The following HDAC4 variants were observed in gnomAD, a reference collection of about 807,000 sequenced individuals.
The protein encoded by HDAC4 is histone deacetylase 4.
HDAC4 carries 16 observed loss-of-function variants against 135.1 expected under a neutral mutation model. That is an observed-to-expected ratio of 0.12 (90% confidence interval 0.08 to 0.18). The LOEUF (loss-of-function observed/expected upper bound fraction) is 0.18. Among genes scored for constraint, HDAC4 ranks in the 10% least tolerant of loss-of-function variants. The pLI is 1.00. For synonymous variants in HDAC4, 685 were observed against 653.4 expected (o/e 1.05, Z -0.74); for missense variants, 1,143 against 1,511.8 (o/e 0.76, Z 4.05).
intron 2 of HDAC4, among the ~76,000 whole-genome samples, chr2:239,268,096 A>G (rs2049850540): frequency 6.6e-6 from 1 of 152,280 alleles, no homozygotes; most frequent in African/African-American, 2.4e-5. Context: ...AGGGGTTTAA[A>G]TTCACTTGGT....
chr2:239,328,385 C>A (rs185294339), intron 2 of HDAC4, among the ~76,000 whole-genome samples: 1 of 152,350 alleles, frequency 6.6e-6, no homozygotes, highest in Non-Finnish European at 1.5e-5. Context: ...ATGAGGTTTG[C>A]TGTGAGCAAC....
chr2:239,334,300 G>A (rs1159799845), intron 2 of HDAC4, among the ~76,000 whole-genome samples: 4 of 151,358 alleles, frequency 2.6e-5, no homozygotes, highest in African/African-American at 9.7e-5. Flanking sequence ...AGGACGGATT[G>A]CTTGAGGTCA....
At chr2:239,338,352 C>T (rs931607589) in intron 2 of HDAC4, among the ~76,000 whole-genome samples, 6 of 152,126 alleles carry the variant, frequency 3.9e-5, no homozygotes, top group Admixed American at 2.0e-4. Flanking sequence ...TTACCCTCTC[C>T]TCCCGCTTCC....
intron 3 of HDAC4, among the ~76,000 whole-genome samples, chr2:239,235,198 C>A (rs954411583): frequency 7.0e-6 from 1 of 142,828 alleles, no homozygotes; most frequent in African/African-American, 3.1e-5. Flanking sequence ...CCCCCGAACA[C>A]CCCCCAAGAG....
chr2:239,165,399 T>C (rs918008017), intron 5 of HDAC4, among the ~76,000 whole-genome samples: 2 of 152,154 alleles, frequency 1.3e-5, no homozygotes, highest in African/African-American at 4.8e-5. Context: ...CACGCGCCGA[T>C]TTCCTCTCTT....
At chr2:239,073,292 T>A (rs955632780) in intron 22 of HDAC4, among the ~76,000 whole-genome samples, 6 of 152,202 alleles carry the variant, frequency 3.9e-5, no homozygotes, top group Non-Finnish European at 5.9e-5. Flanking sequence ...AGAAAGTGCT[T>A]TCCAAGGACA....
chr2:239,391,023 G>A (rs1226241563), intron 1 of HDAC4, among the ~76,000 whole-genome samples: 1 of 152,222 alleles, frequency 6.6e-6, no homozygotes, highest in African/African-American at 2.4e-5. Flanking sequence ...CAAAGCCGTG[G>A]CACAGTGTCC....
At chr2:239,083,332 G>A (rs1220677300) in intron 20 of HDAC4, among the ~76,000 whole-genome samples, 1 of 152,188 alleles carries the variant, frequency 6.6e-6, no homozygotes, top group Non-Finnish European at 1.5e-5. Context: ...GCTGAGGGAG[G>A]GCTCCCGGCT....
chr2:239,100,070 C>T (rs554596905), intron 16 of HDAC4, among the ~76,000 whole-genome samples: 31 of 152,368 alleles, frequency 2.0e-4, no homozygotes, highest in Admixed American at 1.2e-3. Flanking sequence ...TGCAGGTGCC[C>T]TGGCTCTCAC....
chr2:239,283,441 C>G (rs1421560772), intron 2 of HDAC4, among the ~76,000 whole-genome samples: 1 of 152,178 alleles, frequency 6.6e-6, no homozygotes, highest in African/African-American at 2.4e-5. Flanking sequence ...GGATCAGTGC[C>G]GACGAGGCTG....
At chr2:239,074,057 G>A (rs936833330) in intron 22 of HDAC4, among the ~76,000 whole-genome samples, 1 of 149,750 alleles carries the variant, frequency 6.7e-6, no homozygotes, top group Non-Finnish European at 1.5e-5. Flanking sequence ...AGGACTGAGT[G>A]GGGAAGCAGG....
At chr2:239,248,385 G>T (rs1201250239) in intron 2 of HDAC4, among the ~76,000 whole-genome samples, 1 of 152,106 alleles carries the variant, frequency 6.6e-6, no homozygotes, top group Non-Finnish European at 1.5e-5. Flanking sequence ...GTTTCACCGT[G>T]TTAGCCAGGA....
chr2:239,290,821 T>C (rs912907605), intron 2 of HDAC4, among the ~76,000 whole-genome samples: 1 of 152,182 alleles, frequency 6.6e-6, no homozygotes, highest in Non-Finnish European at 1.5e-5. Flanking sequence ...CGGGGTTCTA[T>C]ACAGGGCCTG....
chr2:239,270,630 A>C (rs1481384550), intron 2 of HDAC4, among the ~76,000 whole-genome samples: 1 of 152,258 alleles, frequency 6.6e-6, no homozygotes, highest in Non-Finnish European at 1.5e-5. Context: ...CCCTTGTTCC[A>C]AACAAAGATG....
chr2:239,277,848 C>A (rs113533573), intron 2 of HDAC4, among the ~76,000 whole-genome samples: 13 of 152,154 alleles, frequency 8.5e-5, no homozygotes, highest in African/African-American at 3.1e-4. Flanking sequence ...TCAGATCTGC[C>A]GGAAACAAAT....
chr2:239,095,490 C>CA (rs1249749082), intron 16 of HDAC4, among the ~76,000 whole-genome samples: 1 of 152,150 alleles, frequency 6.6e-6, no homozygotes, highest in African/African-American at 2.4e-5. Context: ...CCTCCCATGG[C>CA]AAACAAGGGG....
At chr2:239,300,546 T>A (rs1020425145) in intron 2 of HDAC4, among the ~76,000 whole-genome samples, 3 of 152,058 alleles carry the variant, frequency 2.0e-5, no homozygotes, top group Non-Finnish European at 4.4e-5. Flanking sequence ...GCCCTCTTTG[T>A]ATCCCAGTGT....
intron 24 of HDAC4, among the ~76,000 whole-genome samples, chr2:239,065,117 C>T (rs2033302260): frequency 6.6e-6 from 1 of 152,206 alleles, no homozygotes; most frequent in African/African-American, 2.4e-5. Flanking sequence ...GCCAGCTTTC[C>T]ATCGGGGGAG....
intron 22 of HDAC4, among the ~76,000 whole-genome samples, chr2:239,077,810 C>CAGCAACAG (rs1240121405): frequency 1.3e-5 from 2 of 152,172 alleles, no homozygotes; most frequent in African/African-American, 4.8e-5. Context: ...GCAGCAACAG[C>CAGCAACAG]AGCAACACAG....
Sources: allele counts gnomAD v4.1 joint callset (sites outside exome capture counted in the v4.1 genomes callset), GRCh38; gene constraint gnomAD v4.1.1; transcripts MANE v1.5; gene names NCBI Gene and HGNC (gene_info 2026-07-23, HGNC 2026-07-21).